Variants in VEPH1 observed in about 807,000 individuals in gnomAD.
VEPH1 encodes ventricular zone-expressed PH domain-containing protein homolog 1.
In VEPH1, 80 loss-of-function variants were observed where a neutral mutation model predicts 85.2. The observed-to-expected ratio is 0.94, with a 90% CI of 0.78 to 1.13. The LOEUF is 1.13. Among genes scored for constraint, VEPH1 ranks in the 50% most tolerant of loss-of-function variants. VEPH1 has a pLI of 0.00. For synonymous variants in VEPH1, 297 were observed against 348.0 expected (o/e 0.85, Z 1.63); for missense variants, 955 against 980.5 (o/e 0.97, Z 0.35).
At chr3:157,285,698 C>G (rs1034195660) in intron 12 of VEPH1, among the ~76,000 whole-genome samples, 2 of 152,194 alleles carry the variant, frequency 1.3e-5, no homozygotes, top group African/African-American at 4.8e-5. Flanking sequence ...CTTCCAATGA[C>G]AGCATAACTT....
chr3:157,286,311 C>T, intron 12 of VEPH1: 1 of 453,390 alleles, frequency 2.2e-6, no homozygotes, highest in Non-Finnish European at 4.0e-6. Context: ...GGCAAAATGG[C>T]TGATACTGCT....
chr3:157,314,568 T>C (rs1010667456), intron 10 of VEPH1, among the ~76,000 whole-genome samples: 1 of 152,010 alleles, frequency 6.6e-6, no homozygotes, highest in Non-Finnish European at 1.5e-5. Flanking sequence ...CATATTTATT[T>C]TCTCAAAGAT....
intron 4 of VEPH1, chr3:157,437,540 A>C (rs761349277): frequency 1.2e-6 from 2 of 1,606,100 alleles, no homozygotes; most frequent in African/African-American, 2.7e-5. Flanking sequence ...GGTCAGGAGC[A>C]CTCGGAATGG....
intron 5 of VEPH1, among the ~76,000 whole-genome samples, chr3:157,425,282 C>A (rs962275568): frequency 2.0e-5 from 3 of 152,214 alleles, no homozygotes; most frequent in South Asian, 2.1e-4. Flanking sequence ...GATGTCCAGA[C>A]AGAAGTTTGC....
At chr3:157,453,049 T>C (rs1735101267) in intron 4 of VEPH1, among the ~76,000 whole-genome samples, 1 of 152,216 alleles carries the variant, frequency 6.6e-6, no homozygotes, top group South Asian at 2.1e-4. Flanking sequence ...GAAATGTTCA[T>C]GTGGCCTGTG....
At chr3:157,316,150 A>G (rs1348445824) in intron 10 of VEPH1, 1 of 152,066 alleles carries the variant, frequency 6.6e-6, no homozygotes, top group East Asian at 1.9e-4. Flanking sequence ...TTTCCCAATA[A>G]GCTTGACTTT....
intron 11 of VEPH1, among the ~76,000 whole-genome samples, chr3:157,289,969 T>C (rs1237852761): frequency 6.6e-6 from 1 of 152,084 alleles, no homozygotes. Flanking sequence ...GAAGGACTTA[T>C]GAATTGCTTC....
At chr3:157,436,819 A>C in intron 4 of VEPH1, 1 of 1,238,736 alleles carries the variant, frequency 8.1e-7, no homozygotes, top group East Asian at 2.7e-5. Context: ...TTTCCTCAGC[A>C]TTTATTAAGG....
chr3:157,442,876 TAA>T, intron 4 of VEPH1: 1 of 1,614,136 alleles, frequency 6.2e-7, no homozygotes, highest in East Asian at 2.2e-5. Context: ...AATGAAGAGA[TAA>T]GAGAGACCGG....
At chr3:157,427,040 C>T (rs1437660453) in intron 5 of VEPH1, among the ~76,000 whole-genome samples, 3 of 150,340 alleles carry the variant, frequency 2.0e-5, no homozygotes, top group South Asian at 2.1e-4. Flanking sequence ...CAGGCTGGAG[C>T]GCAGTGCTGC....
intron 4 of VEPH1, among the ~76,000 whole-genome samples, chr3:157,437,312 T>C (rs1577653607): frequency 6.6e-6 from 1 of 152,214 alleles, no homozygotes; most frequent in African/African-American, 2.4e-5. Context: ...TTTCATAGGG[T>C]ACAACTTAAT....
intron 11 of VEPH1, among the ~76,000 whole-genome samples, chr3:157,303,192 C>A (rs1012326143): frequency 1.3e-5 from 2 of 152,160 alleles, no homozygotes; most frequent in Admixed American, 6.5e-5. Context: ...GGCCTTTGTG[C>A]AAATTGTTCT....
At chr3:157,379,869 G>C (rs768902214) in intron 7 of VEPH1, among the ~76,000 whole-genome samples, 1 of 152,130 alleles carries the variant, frequency 6.6e-6, no homozygotes, top group African/African-American at 2.4e-5. Context: ...CAGTATCTGA[G>C]CCTCTGTTTC....
intron 9 of VEPH1, among the ~76,000 whole-genome samples, chr3:157,321,318 G>A (rs1721327287): frequency 6.6e-6 from 1 of 152,090 alleles, no homozygotes; most frequent in Non-Finnish European, 1.5e-5. Context: ...TATGTTTGCT[G>A]AAACTGCCAG....
Position 157,286,623 on chromosome 3 carries a change from A to G in VEPH1, c.2062T>C (p.Phe688Leu). Reference sequence around the variant, plus strand: ...GCTCCTGCTGTTTCACTGAAGCCAAACACGTCAAAGAACCTCACTTCTTCC... The same window carrying G: ...GCTCCTGCTGTTTCACTGAAGCCAAGCACGTCAAAGAACCTCACTTCTTCC... ...HLEEVRFFDVFGFSETAGAWQ... is the reference protein window; with the variant it reads ...HLEEVRFFDVLGFSETAGAWQ... The change falls in exon 12 of 14, where the codon TTT becomes CTT. Residue 688 changes from phenylalanine (F) to leucine (L), a missense_variant. Phe to Leu is a conservative substitution (Grantham distance 22). Coordinates refer to ENST00000362010, the MANE Select transcript of VEPH1 (RefSeq NM_001167912.2). 1 of 1,614,124 alleles carries G rather than the reference A, an allele frequency of 6.2e-7. No homozygotes were observed. The highest frequency in any genetic ancestry group is 8.5e-7 in the Non-Finnish European group (1 of 1,179,990).
At chr3:157,295,099 C>A (rs1559932271) in intron 11 of VEPH1, among the ~76,000 whole-genome samples, 1 of 152,286 alleles carries the variant, frequency 6.6e-6, no homozygotes, top group East Asian at 1.9e-4. Context: ...GGTTCCTTGC[C>A]TACAGTACAG....
chr3:157,410,638 AT>A (rs1489727514), intron 6 of VEPH1, among the ~76,000 whole-genome samples: 1 of 152,162 alleles, frequency 6.6e-6, no homozygotes, highest in African/African-American at 2.4e-5. Flanking sequence ...GAAATTTAGC[AT>A]TCTTTATGGC....
At chr3:157,426,355 A>G (rs1560052040) in intron 5 of VEPH1, among the ~76,000 whole-genome samples, 5 of 152,226 alleles carry the variant, frequency 3.3e-5, no homozygotes, top group Admixed American at 3.3e-4. Flanking sequence ...GGAGAAGCAT[A>G]GTGCGAAGAG....
rs1235857436 is a variant in VEPH1 at position 157,437,719 on chromosome 3, C to G, written c.530-9231G>C. On this transcript the variant is annotated intron_variant, in intron 4 of 13. Transcript: ENST00000362010. The stretch of plus-strand genomic sequence containing the variant: ...GCCGGGGGCTCCCGCAGAGGCCAGG[C>G]TGACCAGTGCTCTGGACGAGCTGCT... 2.5e-5 allele frequency: 38 copies of G among 1,528,046 alleles called. No individual in the cohort carries two copies. In the East Asian group the frequency reaches 8.7e-4, roughly 35 times the overall value. The allele number at this position is 1,528,046 out of a possible 1,614,324, so 94.7% of individuals were successfully genotyped here. A position where few individuals can be genotyped will look rare whatever the true frequency, so the allele number is the denominator to read the frequency against.
Sources: allele counts gnomAD v4.1 joint callset (sites outside exome capture counted in the v4.1 genomes callset), GRCh38; gene constraint gnomAD v4.1.1; transcripts MANE v1.5; gene names NCBI Gene and HGNC (gene_info 2026-07-23, HGNC 2026-07-21).